The following C12orf57 variants were observed in gnomAD, a reference collection of about 807,000 sequenced individuals.
The protein encoded by C12orf57 is protein C10.
A neutral mutation model predicts 11.3 loss-of-function variants in C12orf57; 14 were observed. That is an observed-to-expected ratio of 1.24 (90% CI 0.82 to 1.94). The LOEUF (loss-of-function observed/expected upper bound fraction) is 1.94, where lower values mean the gene tolerates loss of function less well. Among genes scored for constraint, C12orf57 ranks in the 30% most tolerant of loss-of-function variants. The pLI is 0.00. For missense variants in C12orf57, 229 were observed against 172.4 expected (o/e 1.33, Z -1.84); for synonymous variants, 100 against 74.6 (o/e 1.34, Z -1.76).
Position 6,945,949 on chromosome 12 carries a change from CA to C in C12orf57, c.*28del. On this transcript the variant is annotated 3_prime_UTR_variant, in exon 3 of 3. Transcript: ENST00000229281. ...AGTTGGCCCTCCCTTGTGCCACTGC[CA>C]GGGGAGGAAAGGCCTTGATGTTCCA... The C allele has an allele frequency of 2.5e-6, 4 of 1,601,552 alleles. No individual in the cohort carries two copies. Among genetic ancestry groups the C allele is most frequent in the Non-Finnish European group, 2.5e-6 (3 of 1,176,794 alleles).
At chr12:6,943,534 G>T, upstream of C12orf57, 1 of 1,287,612 alleles carries the variant, frequency 7.8e-7, no homozygotes. Context: ...CTTTACTGCC[G>T]AATCCAGGTC....
At chr12:6,943,910 T>C (rs1363648331), upstream of C12orf57, 23 of 1,211,000 alleles carry the variant, frequency 1.9e-5, no homozygotes, top group African/African-American at 4.6e-5. Flanking sequence ...GATAGATTGT[T>C]TTCACTGTGC....
chr12:6,943,953 C>CA, upstream of C12orf57: 1 of 1,484,810 alleles, frequency 6.7e-7, no homozygotes, highest in Non-Finnish European at 9.0e-7. Flanking sequence ...GGTCTTGATG[C>CA]AGTTGTAAGC....
chr12:6,944,325 CTTCT>C, intron 1 of C12orf57, 147 bp from the exon 2 acceptor site: 3 of 1,570,644 alleles, frequency 1.9e-6, no homozygotes, highest in Non-Finnish European at 2.6e-6. Context: ...GGGTACCGTC[CTTCT>C]AAGTGGGGCG....
chr12:6,943,834 A>C, upstream of C12orf57: 1 of 868,444 alleles, frequency 1.2e-6, no homozygotes, highest in Non-Finnish European at 1.6e-6. Flanking sequence ...CAGCTCTTTT[A>C]GAATTTGTCT....
At chr12:6,943,475 CA>C, upstream of C12orf57, 1 of 1,259,366 alleles carries the variant, frequency 7.9e-7, no homozygotes, top group South Asian at 1.3e-5. Flanking sequence ...CATCGCTCAT[CA>C]ATAGACAAGG....
Position 6,945,900 on chromosome 12 carries a change from G to C in C12orf57, c.359G>C (p.Gly120Ala), listed in dbSNP as rs782165395. ...CTGCCACCCCATGGGCCTGCTGCTG[G>C]TGGCAGCGTGGCCGCCTCCTGAGAG... The part of the protein sequence containing the change: ...MTLPPHGPAA[G>A]GSVAAS Residue 120 changes from glycine (G) to alanine (A), a missense_variant, in exon 3 of 3, where the codon GGT becomes GCT. Physicochemically the swap from Gly to Ala is moderately conservative, Grantham distance 60 (BLOSUM62 0). Transcript: ENST00000229281. 1.9e-6 allele frequency: 3 copies of C among 1,612,584 alleles called. No homozygotes were observed. The South Asian group carries it at 3.3e-5, about 18-fold the overall frequency.
chr12:6,943,904 G>A (rs782695534), upstream of C12orf57: 46 of 1,146,402 alleles, frequency 4.0e-5, no homozygotes, highest in Middle Eastern at 2.8e-4. Flanking sequence ...GCCAATGATA[G>A]ATTGTTTTCA....
upstream of C12orf57, chr12:6,943,988 G>T (rs782394220): frequency 1.1e-5 from 18 of 1,586,500 alleles, no homozygotes; most frequent in Middle Eastern, 3.7e-4. Context: ...TTTGGGCCAC[G>T]CCTGGGCGCT....
intron 2 of C12orf57, chr12:6,944,972 ATTGTT>A: frequency 1.1e-6 from 1 of 909,566 alleles, no homozygotes; most frequent in Non-Finnish European, 1.5e-6. Flanking sequence ...TGAACACGAA[ATTGTT>A]TTGTTTCATA....
chr12:6,943,689 C>T (rs1488102225), upstream of C12orf57: 17 of 1,281,658 alleles, frequency 1.3e-5, no homozygotes, highest in Non-Finnish European at 1.6e-5. Flanking sequence ...ATTATTTTTC[C>T]TACTGAAAGT....
In C12orf57 at chr12:6,944,593, T is replaced by A; in HGVS notation, c.170T>A (p.Val57Glu). ...MGKMLQFVLPVATQIQQEVIK... is the reference protein window; with the variant it reads ...MGKMLQFVLPEATQIQQEVIK... ...AAGATGCTGCAATTCGTGCTGCCCG[T>A]GGCCACGCAGATCCAGCAGGAGGTT... The change falls in exon 2 of 3, where the codon GTG becomes GAG. Residue 57 changes from valine (V) to glutamate (E), a missense_variant. Val to Glu is a moderately radical substitution (Grantham distance 121, BLOSUM62 -2). Transcript: ENST00000229281. The A allele has an allele frequency of 6.2e-7, 1 of 1,614,158 alleles. No individual in the cohort carries two copies. The highest frequency in any genetic ancestry group is 8.5e-7 in the Non-Finnish European group (1 of 1,180,024).
At chr12:6,944,709 G>A in intron 2 of C12orf57, 57 bp downstream of exon 2, 2 of 1,598,454 alleles carry the variant, frequency 1.3e-6, no homozygotes, top group Non-Finnish European at 8.6e-7. Flanking sequence ...TGGGTCGGGA[G>A]AGGGCGCCGG....
At chr12:6,944,690 G>T (rs1945751961) in intron 2 of C12orf57, 38 bp downstream of exon 2, 1 of 1,601,940 alleles carries the variant, frequency 6.2e-7, no homozygotes, top group Admixed American at 1.7e-5. Context: ...GACGCGGGAA[G>T]GCGGGAGTTG....
Position 6,944,193 on chromosome 12 carries a change from A to G in C12orf57, c.52+20A>G. 1.3e-6 allele frequency: 2 copies of G among 1,565,922 alleles called. No individual in the cohort carries two copies. Among genetic ancestry groups the G allele is most frequent in the East Asian group, 2.3e-5 (1 of 44,072 alleles). Reference sequence around the variant, plus strand: ...CAAAGGGTGAGAATCGTCCTAGTCAAGGCATAGGCTGCTGGCCTGGGGTAG... The same window carrying G: ...CAAAGGGTGAGAATCGTCCTAGTCAGGGCATAGGCTGCTGGCCTGGGGTAG... On this transcript the variant is annotated intron_variant, in intron 1 of 2. Coordinates refer to ENST00000229281, the MANE Select transcript of C12orf57 (RefSeq NM_138425.4).
upstream of C12orf57, chr12:6,943,816 CAGT>C (rs1276670710): frequency 3.6e-6 from 3 of 833,588 alleles, no homozygotes; most frequent in Non-Finnish European, 5.1e-6. Context: ...ACATACGCAG[CAGT>C]GTTACAGCTC....
Position 6,944,058 on chromosome 12 carries a change from G to C in C12orf57, c.-64G>C. On this transcript the variant is annotated 5_prime_UTR_variant, in exon 1 of 3. Coordinates refer to ENST00000229281, the MANE Select transcript of C12orf57 (RefSeq NM_138425.4). ...CCAGGGGCGTTGGGAACGGTTGTAG[G>C]ACGTGGCTCTTTATTCGTGAGTTTT... 3.1e-6 allele frequency: 5 copies of C among 1,613,198 alleles called. No individual in the cohort carries two copies. The South Asian group carries it at 5.5e-5, about 18-fold the overall frequency.
At position 6,944,133 on chromosome 12, in the gene C12orf57, C is replaced by T. The variant is rs747313284; in HGVS notation, c.12C>T (p.Ala4=). 5.9e-5 allele frequency: 95 copies of T among 1,614,136 alleles called. No individual in the cohort carries two copies. Among genetic ancestry groups the T allele is most frequent in the Middle Eastern group, 1.6e-4 (1 of 6,084 alleles). MAS[A]STQPAALSAE... ...GCTTCAGACGCCCTATGGCGTCCGC[C>T]TCGACCCAACCGGCGGCCTTGAGCG... is the stretch of plus-strand genomic sequence containing the variant. Residue 4 remains alanine, a synonymous_variant, in exon 1 of 3, where the codon GCC becomes GCT. Transcript: ENST00000229281.
Position 6,944,665 on chromosome 12 carries a change from C to T in C12orf57, c.229+13C>T. The T allele has an allele frequency of 1.3e-6, 2 of 1,562,268 alleles. No individual in the cohort carries two copies. Among genetic ancestry groups the T allele is most frequent in the Non-Finnish European group, 1.7e-6 (2 of 1,166,934 alleles). On this transcript the variant is annotated intron_variant, in intron 2 of 2. Coordinates refer to ENST00000229281, the MANE Select transcript of C12orf57 (RefSeq NM_138425.4). ...TGCGACGGGGAAGGTGGGTCAGACG[C>T]GGGAAGGCGGGTCAGACGCGGGAAG...
Sources: allele counts gnomAD v4.1 joint callset, GRCh38; gene constraint gnomAD v4.1.1; transcripts MANE v1.5; gene names NCBI Gene and HGNC (gene_info 2026-07-23, HGNC 2026-07-21).